GSK3B: variants seen among roughly 807,000 people sequenced by gnomAD.
The protein encoded by GSK3B is glycogen synthase kinase-3 beta.
A neutral mutation model predicts 56.4 loss-of-function variants in GSK3B; 15 were observed. That is an observed-to-expected ratio of 0.27 (90% CI 0.18 to 0.41). The LOEUF (loss-of-function observed/expected upper bound fraction) is 0.41, where lower values mean the gene tolerates loss of function less well. Ranked by LOEUF, GSK3B falls within the 10% of genes least tolerant of loss-of-function variation. GSK3B has a pLI of 1.00. For synonymous variants in GSK3B, 181 were observed against 188.9 expected (o/e 0.96, Z 0.34); for missense variants, 300 against 513.4 (o/e 0.58, Z 4.02).
At chr3:119,907,211 T>C (rs1576190356) in intron 6 of GSK3B, among the ~76,000 whole-genome samples, 1 of 152,258 alleles carries the variant, frequency 6.6e-6, no homozygotes, top group Middle Eastern at 3.4e-3. Context: ...GAAGGTAATA[T>C]GCACTCAACT....
At chr3:120,025,450 T>C (rs2057914669) in intron 1 of GSK3B, among the ~76,000 whole-genome samples, 2 of 152,024 alleles carry the variant, frequency 1.3e-5, no homozygotes, top group African/African-American at 4.8e-5. Context: ...AAGGAAATCA[T>C]AATAGTGAAT....
intron 2 of GSK3B, among the ~76,000 whole-genome samples, chr3:119,989,653 A>C (rs2057545873): frequency 6.6e-6 from 1 of 152,180 alleles, no homozygotes; most frequent in African/African-American, 2.4e-5. Context: ...TCCAAAAAAA[A>C]AAAAAAGGAA....
At chr3:120,026,626 C>T (rs772753211) in intron 1 of GSK3B, among the ~76,000 whole-genome samples, 4 of 151,082 alleles carry the variant, frequency 2.6e-5, no homozygotes, top group Admixed American at 1.3e-4. Context: ...AGGGCAATCT[C>T]GGCTCACTGC....
chr3:120,003,184 T>A (rs767897167), intron 1 of GSK3B, among the ~76,000 whole-genome samples: 17 of 152,138 alleles, frequency 1.1e-4, no homozygotes, highest in African/African-American at 2.4e-5. Context: ...GGCTCCAGGG[T>A]CTCTATTCAC....
chr3:120,049,389 CA>C (rs578225714), intron 1 of GSK3B, among the ~76,000 whole-genome samples: 370 of 152,158 alleles, frequency 2.4e-3, no homozygotes, highest in African/African-American at 7.9e-3. Flanking sequence ...ATGTTAAATA[CA>C]ACAAAAGCGG....
chr3:120,000,491 T>A (rs1451245897), intron 2 of GSK3B, among the ~76,000 whole-genome samples: 1 of 152,212 alleles, frequency 6.6e-6, no homozygotes, highest in South Asian at 2.1e-4. Context: ...TAGAATGTGG[T>A]ATAACTAGTG....
chr3:119,881,057 T>C lies in GSK3B; in HGVS notation c.814-4549A>G, dbSNP rs140785469. Reference sequence around the variant, plus strand: ...GTTCATAATAATAAAATACTGCCGATAAAAGCAAAAATCCAACAGTAGAAT... The same window carrying C: ...GTTCATAATAATAAAATACTGCCGACAAAAGCAAAAATCCAACAGTAGAAT... On this transcript the variant is annotated intron_variant, in intron 7 of 10. Coordinates refer to ENST00000264235, the MANE Select transcript of GSK3B (RefSeq NM_001146156.2). Among the ~76,000 whole-genome samples the C allele has an allele frequency of 5.3e-5, 8 of 152,282 alleles. No individual in the cohort carries two copies. In the East Asian group the frequency reaches 1.5e-3, roughly 29 times the overall value.
chr3:119,900,378 T>C (rs1185306715), intron 7 of GSK3B, among the ~76,000 whole-genome samples: 1 of 152,128 alleles, frequency 6.6e-6, no homozygotes, highest in Non-Finnish European at 1.5e-5. Flanking sequence ...ACTATCTCTG[T>C]AGGAATTTTA....
At chr3:120,061,845 G>A (rs1395248223) in intron 1 of GSK3B, among the ~76,000 whole-genome samples, 2 of 152,140 alleles carry the variant, frequency 1.3e-5, no homozygotes, top group Non-Finnish European at 2.9e-5. Context: ...CAACTGTCCT[G>A]CCTCAGCCTC....
chr3:119,831,644 G>C (rs1044747734), intron 10 of GSK3B, among the ~76,000 whole-genome samples: 7 of 148,832 alleles, frequency 4.7e-5, no homozygotes, highest in Non-Finnish European at 1.0e-4. Context: ...GCAACAGAGC[G>C]AGACTCCGTC....
intron 3 of GSK3B, among the ~76,000 whole-genome samples, chr3:119,940,921 T>C (rs913413214): frequency 6.6e-6 from 1 of 152,192 alleles, no homozygotes; most frequent in South Asian, 2.1e-4. Flanking sequence ...ATATAAGTAA[T>C]GTGTTTAGAT....
At chr3:119,841,695 T>C (rs1300632806) in intron 10 of GSK3B, among the ~76,000 whole-genome samples, 1 of 152,142 alleles carries the variant, frequency 6.6e-6, no homozygotes. Context: ...CTAAAGTAAT[T>C]GCCACTCCAT....
At chr3:119,963,238 AATTAAT>A (rs1408349332) in intron 2 of GSK3B, among the ~76,000 whole-genome samples, 3 of 152,206 alleles carry the variant, frequency 2.0e-5, no homozygotes, top group African/African-American at 7.2e-5. Context: ...TCATGGATTA[AATTAAT>A]ATTGTTAAAA....
chr3:119,985,277 A>G (rs536057923), intron 2 of GSK3B, among the ~76,000 whole-genome samples: 3 of 152,310 alleles, frequency 2.0e-5, no homozygotes, highest in South Asian at 2.1e-4. Context: ...AAACCAACAC[A>G]AGACAAGGAT....
chr3:119,883,894 A>G (rs1339622009), intron 7 of GSK3B, among the ~76,000 whole-genome samples: 1 of 152,120 alleles, frequency 6.6e-6, no homozygotes, highest in Non-Finnish European at 1.5e-5. Context: ...TCAGAAGAGA[A>G]AATAATATTT....
At chr3:120,000,865 A>G (rs1157339465) in intron 2 of GSK3B, among the ~76,000 whole-genome samples, 1 of 149,784 alleles carries the variant, frequency 6.7e-6, no homozygotes, top group Non-Finnish European at 1.5e-5. Flanking sequence ...ATAGTGTTGT[A>G]ATATGGTTTG....
intron 3 of GSK3B, among the ~76,000 whole-genome samples, chr3:119,935,548 A>G (rs181366302): frequency 3.9e-5 from 6 of 152,254 alleles, no homozygotes; most frequent in Admixed American, 3.3e-4. Context: ...TATACCAGCA[A>G]TTTCAAACTA....
intron 4 of GSK3B, among the ~76,000 whole-genome samples, chr3:119,919,058 CACA>C (rs1195049167): frequency 6.6e-6 from 1 of 152,122 alleles, no homozygotes; most frequent in Non-Finnish European, 1.5e-5. Context: ...AAATTAAGTT[CACA>C]ACAATGATTT....
chr3:119,858,047 A>G (rs371778521), intron 9 of GSK3B, among the ~76,000 whole-genome samples: 1 of 152,330 alleles, frequency 6.6e-6, no homozygotes. Flanking sequence ...ACCACGCTGT[A>G]AACAGATGTG....
Sources: gnomAD v4.1 joint callset for allele counts (sites outside exome capture counted in the v4.1 genomes callset) on GRCh38, gnomAD v4.1.1 for gene constraint, MANE v1.5 for transcripts, NCBI Gene and HGNC (gene_info 2026-07-23, HGNC 2026-07-21) for gene names.